The following CEP104 variants were observed in gnomAD, a reference collection of about 807,000 sequenced individuals.
The protein encoded by CEP104 is centrosomal protein 104, also known as centrosomal protein of 104 kDa.
CEP104 carries 84 observed loss-of-function variants against 113.3 expected under a neutral mutation model. The observed-to-expected ratio is 0.74, with a 90% CI of 0.62 to 0.89. CEP104 has a LOEUF of 0.89. CEP104 is among the 40% of genes least tolerant of loss of function. The pLI is 0.00. For missense variants in CEP104, 1,053 were observed against 1,156.6 expected, an observed-to-expected ratio of 0.91 and a Z score of 1.30; for synonymous variants, 378 against 421.7, an observed-to-expected ratio of 0.90 and a Z score of 1.27.
In CEP104 at chr1:3,812,436, T is replaced by C. The variant is rs1643811323; in HGVS notation, c.*2966A>G. The C allele has an allele frequency of 6.6e-6, 1 of 152,204 alleles. No individual in the cohort carries two copies. The highest frequency in any genetic ancestry group is 2.4e-5 in the African/African-American group (1 of 41,456). 9.4% of individuals were successfully genotyped at this position (152,204 alleles called of 1,614,324 possible). On this transcript the variant is annotated 3_prime_UTR_variant, in exon 22 of 22. Coordinates refer to ENST00000378230, the MANE Select transcript of CEP104 (RefSeq NM_014704.4). ...TATTTATTTATGAATGACCAAGGGA[T>C]TTTACAGTTCCTTTTTAATTTTTTG... is the stretch of plus-strand genomic sequence containing the variant.
intron 14 of CEP104, 41 bp downstream of exon 14, chr1:3,829,750 C>G (rs1252975561): frequency 6.3e-7 from 1 of 1,578,754 alleles, no homozygotes; most frequent in African/African-American, 1.3e-5. Context: ...GTAACTTCTT[C>G]AACACAGGAT....
rs1644017451 is a variant in CEP104, at chr1:3,823,332, C to T, written c.2504-91G>A. The T allele has an allele frequency of 6.2e-6, 10 of 1,609,480 alleles. No homozygotes were observed. The East Asian group carries it at 8.9e-5, about 14-fold the overall frequency. ...TGCCCGCAGGTGCCCTTTAATTCAC[C>T]AAGCCCTTGCACAGGCTCAAGAGCA... On this transcript the variant is annotated intron_variant, in intron 19 of 21. Transcript: ENST00000378230. The surrounding 1 kb of genome is among the most constrained non-coding windows in gnomAD (Gnocchi z 4.1).
At chr1:3,838,913 A>G in intron 8 of CEP104, 51 bp downstream of exon 8, 14 of 1,597,116 alleles carry the variant, frequency 8.8e-6, no homozygotes, top group Non-Finnish European at 1.1e-5. Context: ...ACACAGTTGA[A>G]TCTCTGTTCT....
At chr1:3,818,392 C>T (rs1356899848) in intron 20 of CEP104, among the ~76,000 whole-genome samples, 2 of 152,228 alleles carry the variant, frequency 1.3e-5, no homozygotes, top group African/African-American at 4.8e-5. Context: ...AGCTCCTGAG[C>T]GCCCTGGATT....
At chr1:3,848,519 G>T in intron 3 of CEP104, 89 bp downstream of exon 3, 1 of 1,016,896 alleles carries the variant, frequency 9.8e-7, no homozygotes. Context: ...GTGACACAGC[G>T]AGACTCCATC....
chr1:3,826,136 T>G (rs1644086475), intron 17 of CEP104, among the ~76,000 whole-genome samples: 1 of 152,198 alleles, frequency 6.6e-6, no homozygotes, highest in Admixed American at 6.5e-5. Context: ...GAACGATCCT[T>G]CTGAAATTTC....
At position 3,836,414 on chromosome 1, in the gene CEP104, G is replaced by C; in HGVS notation, c.1317+81C>G. On this transcript the variant is annotated intron_variant, in intron 10 of 21. Coordinates refer to ENST00000378230, the MANE Select transcript of CEP104 (RefSeq NM_014704.4). ...CGTGGGCGTTTTCCCTCCTTTATGT[G>C]TAAGTACACAGAGGTGTGCGTACCA... is the stretch of plus-strand genomic sequence containing the variant. 4 of 1,412,178 alleles carry C rather than the reference G, an allele frequency of 2.8e-6. No individual in the cohort carries two copies. In the South Asian group the frequency reaches 5.4e-5, roughly 19 times the overall value. The allele number at this position is 1,412,178 out of a possible 1,614,324, so 87.5% of individuals were successfully genotyped here.
At chr1:3,824,854 AGGCAGTGGCACCGTGGGAAGGGC>A (rs1557663612) in intron 18 of CEP104, among the ~76,000 whole-genome samples, 5 of 48,544 alleles carry the variant, frequency 1.0e-4, no homozygotes, top group South Asian at 7.9e-4. Context: ...GTGGGAAGGG[AGGCAGTGGCACCGTGGGAAGGGC>A]GGCAGTGGCA....
chr1:3,853,174 G>A (rs1644649707), intron 1 of CEP104, among the ~76,000 whole-genome samples: 1 of 152,324 alleles, frequency 6.6e-6, no homozygotes. Flanking sequence ...AAAAGGCAAC[G>A]TAAGCGCTAG....
chr1:3,828,343 A>G (rs1294041140), intron 15 of CEP104, among the ~76,000 whole-genome samples: 2 of 152,158 alleles, frequency 1.3e-5, no homozygotes, highest in Non-Finnish European at 2.9e-5. Context: ...CTCACTCCTC[A>G]TCCCAGGGTC....
intron 17 of CEP104, among the ~76,000 whole-genome samples, 171 bp downstream of exon 17, chr1:3,826,199 A>G (rs922144087): frequency 6.6e-6 from 1 of 152,232 alleles, no homozygotes; most frequent in African/African-American, 2.4e-5. Flanking sequence ...AACAGAGGGA[A>G]AGTTGTCTTG....
At chr1:3,852,876 C>T (rs1644642584) in intron 1 of CEP104, among the ~76,000 whole-genome samples, 1 of 151,804 alleles carries the variant, frequency 6.6e-6, no homozygotes, top group Non-Finnish European at 1.5e-5. Context: ...AGGCAGAGAC[C>T]GGAGCAACGC....
In CEP104 at chr1:3,836,618, C is replaced by T. The variant is rs372294561; in HGVS notation, c.1194G>A (p.Pro398=). The T allele has an allele frequency of 5.0e-5, 81 of 1,613,738 alleles. No homozygotes were observed. Among genetic ancestry groups the T allele is most frequent in the Middle Eastern group, 1.6e-4 (1 of 6,084 alleles). The change falls in exon 10 of 22, where the codon CCG becomes CCA. Residue 398 remains proline, a synonymous_variant. Transcript: ENST00000378230. The part of the protein sequence containing the change: ...RKHYGEAVVE[P]EMSNADISDA... ...CGCTGATGTCTGCATTACTCATTTC[C>T]GGCTCCACCACTGCCTCCCCATAAT...
Position 3,837,501 on chromosome 1 carries a change from A to T in CEP104, c.910T>A (p.Leu304Met), listed in dbSNP as rs1644337713. Residue 304 changes from leucine (L) to methionine (M), a missense_variant, in exon 9 of 22, where the codon TTG (leucine) becomes ATG (methionine). Physicochemically the swap from Leu to Met is conservative, Grantham distance 15 (BLOSUM62 2). Transcript: ENST00000378230. ...DAELMRRPFD[L>M]PLQPLARSGS... ...GAACGAGCGAGGGGCTGGAGGGGCA[A>T]ATCAAAAGGTCTTCGCATCTAGAGA... is the stretch of plus-strand genomic sequence containing the variant. 1 of 1,614,080 alleles carries T rather than the reference A, an allele frequency of 6.2e-7. No individual in the cohort carries two copies. The highest frequency in any genetic ancestry group is 1.3e-5 in the African/African-American group (1 of 74,918).
chr1:3,842,302 G>C (rs886564148), intron 6 of CEP104, among the ~76,000 whole-genome samples: 9 of 152,068 alleles, frequency 5.9e-5, no homozygotes, highest in Non-Finnish European at 1.3e-4. Context: ...GGATGGTCTC[G>C]ATCTCCTGAC....
rs763765379 is a variant in CEP104 at position 3,816,258 on chromosome 1, G to T, written c.2662+22C>A. 5.2e-6 allele frequency: 8 copies of T among 1,544,212 alleles called. No individual in the cohort carries two copies. In the East Asian group the frequency reaches 1.7e-4, roughly 33 times the overall value. Reference sequence around the variant, plus strand: ...AAATGGAGGGATGCAGACTACACCTGCTCAGCGGCGCTGTCCCTCACCTGG... The same window carrying T: ...AAATGGAGGGATGCAGACTACACCTTCTCAGCGGCGCTGTCCCTCACCTGG... On this transcript the variant is annotated intron_variant, in intron 21 of 21. Transcript: ENST00000378230.
At chr1:3,834,062 G>C in intron 11 of CEP104, 27 bp from the exon 12 acceptor site, 1 of 1,578,170 alleles carries the variant, frequency 6.3e-7, no homozygotes, top group Non-Finnish European at 8.7e-7. Context: ...GAACACGGAT[G>C]AGTTACTACG....
At chr1:3,828,518 T>C (rs999237550) in intron 15 of CEP104, among the ~76,000 whole-genome samples, 10 of 152,222 alleles carry the variant, frequency 6.6e-5, no homozygotes, top group Admixed American at 4.6e-4. Flanking sequence ...TTTAAAAATC[T>C]GTGGTAAGAA....
At chr1:3,835,165 T>TG in intron 10 of CEP104, 73 bp from the exon 11 acceptor site, 1 of 933,692 alleles carries the variant, frequency 1.1e-6, no homozygotes, top group African/African-American at 3.5e-5. Flanking sequence ...GAAGGCTTTG[T>TG]TTTTTTTTTA....
Sources: gnomAD v4.1 joint callset for allele counts (sites outside exome capture counted in the v4.1 genomes callset) on GRCh38, gnomAD v4.1.1 for gene constraint, Gnocchi (gnomAD v3.1) non-coding constraint, MANE v1.5 for transcripts, NCBI Gene and HGNC (gene_info 2026-07-23, HGNC 2026-07-21) for gene names.